Variants in PCDHA7 observed in about 807,000 individuals in gnomAD.
PCDHA7 encodes protocadherin alpha 7.
In PCDHA7, 37 loss-of-function variants were observed where a neutral mutation model predicts 57.2. That is an observed-to-expected ratio of 0.65 (90% confidence interval 0.50 to 0.85). PCDHA7 has a LOEUF of 0.85. Ranked by LOEUF, PCDHA7 falls within the 40% of genes least tolerant of loss-of-function variation. PCDHA7 has a pLI of 0.00. For synonymous variants in PCDHA7, 553 were observed against 558.8 expected, an observed-to-expected ratio of 0.99 and a Z score of 0.15; for missense variants, 1,188 against 1,241.8, an observed-to-expected ratio of 0.96 and a Z score of 0.65.
chr5:140,958,197 A>G (rs896064147), intron 1 of PCDHA7, among the ~76,000 whole-genome samples: 7 of 152,140 alleles, frequency 4.6e-5, no homozygotes, highest in Non-Finnish European at 1.0e-4. Context: ...CTGGTCTAGT[A>G]TACAAGGGAA....
At position 140,982,581 on chromosome 5, in the gene PCDHA7, C is replaced by G. The variant is rs782060139; in HGVS notation, c.2503+18C>G. 6.2e-7 allele frequency: 1 copy of G among 1,612,214 alleles called. No homozygotes were observed. The highest frequency in any genetic ancestry group is 1.1e-5 in the South Asian group (1 of 90,796). The stretch of plus-strand genomic sequence containing the variant: ...AACACCAGGTAAAGAGCTGGGGTCT[C>G]TCCATTCTTTCTTGGTTTCTGGAAA... On this transcript the variant is annotated intron_variant, in intron 3 of 3. Transcript: ENST00000525929.
At chr5:140,918,889 A>C (rs1057244376) in intron 1 of PCDHA7, among the ~76,000 whole-genome samples, 5 of 152,218 alleles carry the variant, frequency 3.3e-5, no homozygotes, top group African/African-American at 4.8e-5. Context: ...GAACAGTGAA[A>C]AATAAATCTC....
In PCDHA7 at chr5:140,850,658, G is replaced by T. The variant is rs2150492440; in HGVS notation, c.2355+13920G>T. On this transcript the variant is annotated intron_variant, in intron 1 of 3. Transcript: ENST00000525929. The stretch of plus-strand genomic sequence containing the variant: ...TCACGCTGCTGCTGTACACTGTGCT[G>T]CGGTGCTCGGCGATGCCCACCGAGG... 24 of 1,598,502 alleles carry T rather than the reference G, an allele frequency of 1.5e-5. 1 individual carries two copies. Among genetic ancestry groups the T allele is most frequent in the African/African-American group, 5.4e-5 (4 of 74,388 alleles).
intron 1 of PCDHA7, chr5:140,869,010 T>A (rs919333995): frequency 4.6e-6 from 7 of 1,523,886 alleles, no homozygotes; most frequent in Middle Eastern, 1.8e-4. Context: ...CCTTTGAAAC[T>A]TCTTAAGAAT....
At chr5:140,851,968 C>G (rs1409588887) in intron 1 of PCDHA7, 2 of 976,644 alleles carry the variant, frequency 2.0e-6, no homozygotes, top group African/African-American at 3.5e-5. Flanking sequence ...GTTTTCCACA[C>G]TCTACCTTTA....
intron 1 of PCDHA7, chr5:140,875,418 G>A: frequency 6.6e-7 from 1 of 1,515,104 alleles, no homozygotes; most frequent in Non-Finnish European, 8.8e-7. Flanking sequence ...AAATACCTCA[G>A]GCAAGCGATC....
At chr5:140,898,100 G>C (rs1273803096) in intron 1 of PCDHA7, among the ~76,000 whole-genome samples, 2 of 152,132 alleles carry the variant, frequency 1.3e-5, no homozygotes, top group African/African-American at 4.8e-5. Flanking sequence ...CCCTTTGTCA[G>C]ATGAGTAGGT....
chr5:140,914,816 A>T (rs2076855290), intron 1 of PCDHA7, among the ~76,000 whole-genome samples: 1 of 152,208 alleles, frequency 6.6e-6, no homozygotes, highest in African/African-American at 2.4e-5. Context: ...AACTTAACAG[A>T]CTGCATAAAC....
intron 3 of PCDHA7, among the ~76,000 whole-genome samples, chr5:141,007,512 G>C (rs2098333445): frequency 6.6e-6 from 1 of 152,040 alleles, no homozygotes; most frequent in Admixed American, 6.6e-5. Context: ...AGACTGCAGT[G>C]AGCTGATATC....
rs565763627 is a variant in PCDHA7, at chr5:140,989,336, C to G, written c.2503+6773C>G. ...GTCTCACCAACTTTGCCACCTGACT[C>G]AGCTCAAAGGTGATAGGTCACCTGT... is the stretch of plus-strand genomic sequence containing the variant. On this transcript the variant is annotated intron_variant, in intron 3 of 3. Transcript: ENST00000525929. Among the ~76,000 whole-genome samples, 6 of 152,272 alleles carry G rather than the reference C, an allele frequency of 3.9e-5. 1 individual carries two copies. In the South Asian group the frequency reaches 1.0e-3, roughly 26 times the overall value.
chr5:140,951,318 G>C (rs2094570791), intron 1 of PCDHA7, among the ~76,000 whole-genome samples: 1 of 152,038 alleles, frequency 6.6e-6, no homozygotes, highest in Non-Finnish European at 1.5e-5. Context: ...TGTTATTCTT[G>C]AGATTCATCA....
At chr5:140,857,581 G>C (rs781800563) in intron 1 of PCDHA7, 4 of 1,596,740 alleles carry the variant, frequency 2.5e-6, no homozygotes, top group African/African-American at 1.3e-5. Flanking sequence ...CGGTGCACGC[G>C]GAGAGCGGCA....
intron 1 of PCDHA7, among the ~76,000 whole-genome samples, chr5:140,910,278 A>G (rs1261965132): frequency 6.6e-6 from 1 of 151,132 alleles, no homozygotes; most frequent in Non-Finnish European, 1.5e-5. Flanking sequence ...TTCTAGGAAC[A>G]CCATGATTAA....
Position 140,835,438 on chromosome 5 carries a change from T to G in PCDHA7, c.1055T>G (p.Leu352Arg), listed in dbSNP as rs1773640668. ...AATGACAATGCTCCACAGTTGACTC[T>G]CACTTCCCTGTCTCTCCCTATTCCA... The part of the protein sequence containing the change: ...DVNDNAPQLT[L>R]TSLSLPIPED... Residue 352 changes from leucine to arginine, a missense_variant, in exon 1 of 4, where the codon CTC becomes CGC. Leu to Arg is a moderately radical substitution (Grantham distance 102). This residue lies in a region of PCDHA7 where 892 missense variants were observed against 788.5 expected (regional missense o/e 1.13). Transcript: ENST00000525929. 6.2e-7 allele frequency: 1 copy of G among 1,613,918 alleles called. No individual in the cohort carries two copies. Among genetic ancestry groups the G allele is most frequent in the South Asian group, 1.1e-5 (1 of 91,068 alleles).
chr5:140,857,076 A>C (rs782010117), intron 1 of PCDHA7: 1 of 1,596,990 alleles, frequency 6.3e-7, no homozygotes, highest in Admixed American at 1.7e-5. Flanking sequence ...CTGGATGAAA[A>C]TGATAATTCA....
chr5:140,875,159 C>T (rs60784460), intron 1 of PCDHA7: 4,491 of 336,216 alleles, frequency 0.013, 178 homozygotes, highest in African/African-American at 0.087. Flanking sequence ...TGAAAAATAA[C>T]CCAAAGTCGA....
chr5:140,917,256 T>C (rs1043140553), intron 1 of PCDHA7, among the ~76,000 whole-genome samples: 6 of 151,524 alleles, frequency 4.0e-5, no homozygotes, highest in African/African-American at 7.3e-5. Context: ...ATTGCTCACC[T>C]GATGTTTGGT....
At chr5:140,894,503 T>C (rs934592222) in intron 1 of PCDHA7, among the ~76,000 whole-genome samples, 1 of 152,016 alleles carries the variant, frequency 6.6e-6, no homozygotes. Context: ...TTAGGCATTA[T>C]CCATAGTGTT....
intron 1 of PCDHA7, chr5:140,865,728 T>C (rs1052740962): frequency 5.3e-5 from 8 of 152,218 alleles, no homozygotes; most frequent in Admixed American, 4.6e-4. Flanking sequence ...AGCTGAGATG[T>C]GTATCTATTT....
Sources: allele counts gnomAD v4.1 joint callset (sites outside exome capture counted in the v4.1 genomes callset), GRCh38; gene constraint gnomAD v4.1.1; regional missense constraint gnomAD v4.1.1; transcripts MANE v1.5; gene names NCBI Gene and HGNC (gene_info 2026-07-23, HGNC 2026-07-21).